The following ZNF827 variants were observed in gnomAD, a reference collection of about 807,000 sequenced individuals.
ZNF827 encodes the protein zinc finger protein 827.
In ZNF827, 13 loss-of-function variants were observed where a neutral mutation model predicts 102.4. The observed-to-expected ratio is 0.13, with a 90% CI of 0.08 to 0.20. ZNF827 has a LOEUF of 0.20. Ranked by LOEUF, ZNF827 falls within the 10% of genes least tolerant of loss-of-function variation. The pLI is 1.00. For missense variants in ZNF827, 1,103 were observed against 1,344.4 expected (o/e 0.82, Z 2.81); for synonymous variants, 523 against 536.2 (o/e 0.98, Z 0.34).
At chr4:145,884,493 C>G (rs568358151) in intron 4 of ZNF827, among the ~76,000 whole-genome samples, 3 of 152,162 alleles carry the variant, frequency 2.0e-5, no homozygotes, top group Non-Finnish European at 4.4e-5. Context: ...TGGAAATCAT[C>G]GTGGGGACTT....
intron 8 of ZNF827, among the ~76,000 whole-genome samples, chr4:145,797,746 A>C (rs1740513661): frequency 6.6e-6 from 1 of 152,236 alleles, no homozygotes; most frequent in Admixed American, 6.5e-5. Flanking sequence ...ATACTATAAT[A>C]TGTTGAGTTT....
intron 1 of ZNF827, among the ~76,000 whole-genome samples, chr4:145,922,711 G>A (rs1425033355): frequency 2.6e-5 from 4 of 152,168 alleles, no homozygotes; most frequent in South Asian, 2.1e-4. Flanking sequence ...GTTAAGAGCC[G>A]AACTAGCCAA....
chr4:145,825,270 C>A (rs1411378682), intron 7 of ZNF827, among the ~76,000 whole-genome samples: 1 of 152,180 alleles, frequency 6.6e-6, no homozygotes, highest in Non-Finnish European at 1.5e-5. Flanking sequence ...TGTGAGAAAG[C>A]CTGCAGAGCT....
intron 4 of ZNF827, 98 bp from the exon 5 acceptor site, chr4:145,870,576 G>T: frequency 9.2e-7 from 1 of 1,092,742 alleles, no homozygotes; most frequent in Non-Finnish European, 1.3e-6. Context: ...CAATCACACT[G>T]TGCTAACAAC....
At chr4:145,764,511 T>C (rs113450188) in intron 13 of ZNF827, among the ~76,000 whole-genome samples, 131 of 152,304 alleles carry the variant, frequency 8.6e-4, no homozygotes, top group African/African-American at 2.9e-3. Context: ...GATCGTTGCA[T>C]GAAAAATGTT....
chr4:145,896,272 C>T (rs1750964789), intron 2 of ZNF827, among the ~76,000 whole-genome samples: 1 of 152,138 alleles, frequency 6.6e-6, no homozygotes. Context: ...ATACACGGTT[C>T]AGAGCTTGGC....
At chr4:145,768,890 A>AATATAT (rs1553975846) in intron 11 of ZNF827, among the ~76,000 whole-genome samples, 1 of 7,726 alleles carries the variant, frequency 1.3e-4, no homozygotes, top group Non-Finnish European at 3.2e-4. Context: ...AAAAAAAAAA[A>AATATAT]ATATATATAT....
intron 7 of ZNF827, among the ~76,000 whole-genome samples, chr4:145,824,045 T>TACA (rs1743424003): frequency 3.3e-5 from 5 of 152,180 alleles, no homozygotes; most frequent in Admixed American, 1.3e-4. Context: ...AACTGCAACT[T>TACA]GAAATTGTGT....
chr4:145,861,115 T>C (rs1468966219), intron 5 of ZNF827, among the ~76,000 whole-genome samples: 2 of 152,236 alleles, frequency 1.3e-5, no homozygotes, highest in African/African-American at 4.8e-5. Flanking sequence ...GAGACCAGCA[T>C]GTATCCAGAT....
chr4:145,758,331 G>A lies in ZNF827; in HGVS notation c.*3285C>T, dbSNP rs898285669. 3.3e-5 allele frequency: 5 copies of A among 152,112 alleles called. No homozygotes were observed. The highest frequency in any genetic ancestry group is 2.1e-4 in the South Asian group (1 of 4,822). The allele number at this position is 152,112 out of a possible 1,614,324, so 9.4% of individuals were successfully genotyped here. A position where few individuals can be genotyped will look rare whatever the true frequency, so the allele number is the denominator to read the frequency against. On this transcript the variant is annotated 3_prime_UTR_variant, in exon 15 of 15. Coordinates refer to ENST00000508784, the MANE Select transcript of ZNF827 (RefSeq NM_001306215.2). ...ACGTCTCCTTCCTTCACCTCCTCTCGTTCTTGAAAGTTTCAACCCTAGACC... is the reference window on the plus strand; with the variant it reads ...ACGTCTCCTTCCTTCACCTCCTCTCATTCTTGAAAGTTTCAACCCTAGACC...
In ZNF827 at chr4:145,779,477, T is replaced by A. The variant is rs1429149656; in HGVS notation, c.2418A>T (p.Gly806=). The A allele has an allele frequency of 6.2e-7, 1 of 1,614,240 alleles. No homozygotes were observed. Among genetic ancestry groups the A allele is most frequent in the Non-Finnish European group, 8.5e-7 (1 of 1,180,036 alleles). ...TEKIVLEAGN[G]LPSWKFNDQL... ...GGTCATTGAATTTCCAGGATGGTAATCCATTTCCTGCCTCTAGGACTATCT... is the reference window on the plus strand; with the variant it reads ...GGTCATTGAATTTCCAGGATGGTAAACCATTTCCTGCCTCTAGGACTATCT... The change falls in exon 9 of 15, where the codon GGA becomes GGT. Residue 806 remains glycine (G), a synonymous_variant. Transcript: ENST00000508784.
intron 8 of ZNF827, among the ~76,000 whole-genome samples, chr4:145,806,601 A>G (rs536330129): frequency 2.3e-4 from 35 of 152,268 alleles, no homozygotes; most frequent in Non-Finnish European, 3.1e-4. Flanking sequence ...CGACACTGGC[A>G]GAGAAGAATG....
Position 145,838,367 on chromosome 4 carries a change from A to T in ZNF827, c.2279+7589T>A, listed in dbSNP as rs143260484. 8.4e-3 allele frequency among the ~76,000 whole-genome samples: 1,280 copies of T among 152,024 alleles called. 16 individuals carry two copies. The highest frequency in any genetic ancestry group is 0.028 in the African/African-American group (1,159 of 41,424). On this transcript the variant is annotated intron_variant, in intron 7 of 14. Transcript: ENST00000508784. ...TGTAATTTTCTTTTACCTACCCAAA[A>T]CCTATAAAACGGCCCCACCCTTAAC...
At chr4:145,868,433 G>C (rs1487016159) in intron 5 of ZNF827, among the ~76,000 whole-genome samples, 1 of 152,210 alleles carries the variant, frequency 6.6e-6, no homozygotes, top group Non-Finnish European at 1.5e-5. Context: ...AGCAGGGGCA[G>C]ATGCCCTTTG....
At chr4:145,816,340 T>A (rs913072377) in intron 8 of ZNF827, among the ~76,000 whole-genome samples, 9 of 152,258 alleles carry the variant, frequency 5.9e-5, no homozygotes, top group Non-Finnish European at 1.0e-4. Flanking sequence ...TGTTTCTTTA[T>A]CTTTGTGGCT....
chr4:145,931,899 G>A (rs1303130687), intron 1 of ZNF827, among the ~76,000 whole-genome samples: 2 of 152,204 alleles, frequency 1.3e-5, no homozygotes, highest in African/African-American at 4.8e-5. Flanking sequence ...GCTGCAGTCT[G>A]AATGTTGGTG....
intron 5 of ZNF827, among the ~76,000 whole-genome samples, chr4:145,869,195 G>T (rs1389327513): frequency 1.3e-5 from 2 of 152,140 alleles, no homozygotes; most frequent in African/African-American, 4.8e-5. Context: ...TCAAAGAAAA[G>T]AATTTTTAAC....
At chr4:145,927,356 G>T (rs566398073) in intron 1 of ZNF827, among the ~76,000 whole-genome samples, 4 of 152,238 alleles carry the variant, frequency 2.6e-5, no homozygotes, top group Non-Finnish European at 2.9e-5. Context: ...AGAAAGAGAT[G>T]GAAACAAATA....
At chr4:145,877,365 C>T (rs1488549677) in intron 4 of ZNF827, among the ~76,000 whole-genome samples, 2 of 151,972 alleles carry the variant, frequency 1.3e-5, no homozygotes, top group African/African-American at 2.4e-5. Flanking sequence ...TAAGAAACTG[C>T]CTTCTGAAAT....
Sources: gnomAD v4.1 joint callset for allele counts (sites outside exome capture counted in the v4.1 genomes callset) on GRCh38, gnomAD v4.1.1 for gene constraint, MANE v1.5 for transcripts, NCBI Gene and HGNC (gene_info 2026-07-23, HGNC 2026-07-21) for gene names.